Variants in PAX5 observed in about 807,000 individuals in gnomAD.
PAX5 encodes paired box 5.
Under a neutral mutation model 43.7 loss-of-function variants are expected in PAX5, and 9 were observed. The ratio of observed to expected loss-of-function variants is 0.21; its 90% CI spans 0.12 to 0.36. The LOEUF is 0.36. Among genes scored for constraint, PAX5 ranks in the 10% least tolerant of loss-of-function variants. The pLI is 1.00. For synonymous variants in PAX5, 228 were observed against 214.3 expected, an observed-to-expected ratio of 1.06 and a Z score of -0.56; for missense variants, 383 against 532.7, an observed-to-expected ratio of 0.72 and a Z score of 2.77.
At chr9:36,954,134 T>G (rs569074544) in intron 6 of PAX5, among the ~76,000 whole-genome samples, 1 of 152,302 alleles carries the variant, frequency 6.6e-6, no homozygotes, top group Non-Finnish European at 1.5e-5. Flanking sequence ...TGATGCTTAC[T>G]TTGTCTCTTC....
In PAX5 at chr9:36,896,974, G is replaced by T. The variant is rs899613306; in HGVS notation, c.911-14869C>A. 5.3e-5 allele frequency among the ~76,000 whole-genome samples: 8 copies of T among 152,302 alleles called. No homozygotes were observed. The East Asian group carries it at 1.5e-3, about 29-fold the overall frequency. On this transcript the variant is annotated intron_variant, in intron 7 of 9. Transcript: ENST00000358127. ...GTAGCAAAGAGCAGATCTGAGATTC[G>T]GTTCCTGCAGTCAGACTGCAGACCT...
intron 7 of PAX5, among the ~76,000 whole-genome samples, chr9:36,906,713 C>G (rs1197832431): frequency 5.9e-5 from 9 of 152,230 alleles, no homozygotes; most frequent in Admixed American, 5.2e-4. Flanking sequence ...CCACCAGCCC[C>G]TCTGCTGGGG....
chr9:36,911,227 C>T (rs1829253842), intron 7 of PAX5, among the ~76,000 whole-genome samples: 1 of 152,248 alleles, frequency 6.6e-6, no homozygotes, highest in African/African-American at 2.4e-5. Context: ...AGGGCAGGGA[C>T]TGTCCACCAG....
chr9:36,912,365 T>C (rs1829367059), intron 7 of PAX5, among the ~76,000 whole-genome samples: 1 of 152,188 alleles, frequency 6.6e-6, no homozygotes, highest in African/African-American at 2.4e-5. Flanking sequence ...ATTTTACAGA[T>C]GGGAAACTTG....
At chr9:37,000,259 G>A (rs1052279902) in intron 5 of PAX5, among the ~76,000 whole-genome samples, 3 of 152,150 alleles carry the variant, frequency 2.0e-5, no homozygotes, top group African/African-American at 4.8e-5. Flanking sequence ...GGGATCAAAC[G>A]TGCATACTCT....
At chr9:37,026,614 C>T in intron 1 of PAX5, 3 of 1,351,386 alleles carry the variant, frequency 2.2e-6, no homozygotes, top group Non-Finnish European at 2.9e-6. Flanking sequence ...ACGCCGCCGC[C>T]TCCCGGCGCC....
At chr9:36,971,094 G>A (rs1834895765) in intron 5 of PAX5, among the ~76,000 whole-genome samples, 1 of 152,224 alleles carries the variant, frequency 6.6e-6, no homozygotes, top group East Asian at 1.9e-4. Flanking sequence ...CTTAGTGAGT[G>A]CTAATGCCAG....
At chr9:36,864,063 T>C (rs570929938) in intron 8 of PAX5, among the ~76,000 whole-genome samples, 4 of 152,300 alleles carry the variant, frequency 2.6e-5, no homozygotes, top group South Asian at 2.1e-4. Context: ...GAGCCGAGAT[T>C]GCACCGCTAC....
chr9:36,840,051 G>C lies in PAX5; in HGVS notation c.*509C>G, dbSNP rs4629962. On this transcript the variant is annotated 3_prime_UTR_variant, in exon 10 of 10. Coordinates refer to ENST00000358127, the MANE Select transcript of PAX5 (RefSeq NM_016734.3). ...GCACCTGCCAGGGTCACCCAGGGCA[G>C]AGAGGATGCTCTGCCATAGGTCTAA... 5.0e-3 allele frequency: 1,340 copies of C among 265,486 alleles called. 14 individuals carry two copies. Among genetic ancestry groups the C allele is most frequent in the African/African-American group, 0.027 (1,221 of 45,908 alleles). The allele number at this position is 265,486 out of a possible 1,614,324, so 16.4% of individuals were successfully genotyped here.
chr9:36,903,935 G>T (rs916193769), intron 7 of PAX5, among the ~76,000 whole-genome samples: 1 of 152,232 alleles, frequency 6.6e-6, no homozygotes, highest in Non-Finnish European at 1.5e-5. Flanking sequence ...TATGAGAATA[G>T]TGTGGCTTAG....
chr9:36,910,439 T>A (rs945559581), intron 7 of PAX5, among the ~76,000 whole-genome samples: 1 of 152,244 alleles, frequency 6.6e-6, no homozygotes, highest in African/African-American at 2.4e-5. Context: ...ATTCTGTATA[T>A]AACAAGGTCT....
At chr9:36,943,497 ATATTGCTGAG>A (rs1322380806) in intron 6 of PAX5, among the ~76,000 whole-genome samples, 64 of 149,842 alleles carry the variant, frequency 4.3e-4, no homozygotes, top group African/African-American at 1.5e-3. Context: ...TCTCCTAAAG[ATATTGCTGAG>A]TATTTGTGGA....
chr9:37,008,811 G>C (rs769467939), intron 3 of PAX5, among the ~76,000 whole-genome samples: 6 of 152,164 alleles, frequency 3.9e-5, no homozygotes, highest in Non-Finnish European at 7.3e-5. Context: ...GAAGCATATT[G>C]GACAACCAGA....
rs533576287 is a variant in PAX5, at chr9:36,882,241, C to T, written c.911-136G>A. 5.7e-5 allele frequency: 35 copies of T among 618,448 alleles called. No homozygotes were observed. Among genetic ancestry groups the T allele is most frequent in the African/African-American group, 4.5e-4 (24 of 53,214 alleles). The allele number at this position is 618,448 out of a possible 1,614,324, so 38.3% of individuals were successfully genotyped here. ...CAATGTGCCCCCAGCTCCCCCCTGTCGCTCACACGCTCTCACAAACACACA... is the reference window on the plus strand; with the variant it reads ...CAATGTGCCCCCAGCTCCCCCCTGTTGCTCACACGCTCTCACAAACACACA... On this transcript the variant is annotated intron_variant, in intron 7 of 9. Coordinates refer to ENST00000358127, the MANE Select transcript of PAX5 (RefSeq NM_016734.3). This position sits in a 1 kb window ranked among gnomAD's most constrained non-coding sequence, Gnocchi z 4.4.
intron 5 of PAX5, among the ~76,000 whole-genome samples, chr9:36,973,453 G>T (rs1352592574): frequency 6.6e-6 from 1 of 152,206 alleles, no homozygotes; most frequent in Non-Finnish European, 1.5e-5. Context: ...TCCAGTTTGG[G>T]TCAAGTGAGT....
At chr9:36,886,896 T>C (rs540927447) in intron 7 of PAX5, among the ~76,000 whole-genome samples, 3 of 152,272 alleles carry the variant, frequency 2.0e-5, no homozygotes, top group African/African-American at 7.2e-5. Context: ...TTGCTTACTA[T>C]CAGCAAGGAG....
intron 8 of PAX5, among the ~76,000 whole-genome samples, chr9:36,870,671 T>C (rs1445827467): frequency 1.3e-5 from 2 of 152,216 alleles, no homozygotes; most frequent in Non-Finnish European, 2.9e-5. Flanking sequence ...TGTAGATTCC[T>C]AAAAAGCTCC....
At chr9:37,004,774 T>A (rs989331145) in intron 4 of PAX5, among the ~76,000 whole-genome samples, 1 of 152,222 alleles carries the variant, frequency 6.6e-6, no homozygotes, top group East Asian at 1.9e-4. Flanking sequence ...AAGCTCACCA[T>A]GTTGCTGGCA....
intron 3 of PAX5, among the ~76,000 whole-genome samples, chr9:37,009,095 G>A (rs1246099738): frequency 6.6e-6 from 1 of 152,178 alleles, no homozygotes; most frequent in African/African-American, 2.4e-5. Flanking sequence ...ATCATTGTCT[G>A]ACTATTAAAT....
Sources: allele counts gnomAD v4.1 joint callset (sites outside exome capture counted in the v4.1 genomes callset), GRCh38; gene constraint gnomAD v4.1.1; non-coding constraint Gnocchi (gnomAD v3.1); transcripts MANE v1.5; gene names NCBI Gene and HGNC (gene_info 2026-07-23, HGNC 2026-07-21).